The following PLOD1 variants were observed in gnomAD, a reference collection of about 807,000 sequenced individuals.
The protein encoded by PLOD1 is procollagen-lysine,2-oxoglutarate 5-dioxygenase 1, also known as lysine hydroxylase.
Under a neutral mutation model 94.7 loss-of-function variants are expected in PLOD1, and 70 were observed. The ratio of observed to expected loss-of-function variants is 0.74; its 90% CI spans 0.61 to 0.90. The LOEUF is 0.90. PLOD1 is among the 40% of genes least tolerant of loss of function. The pLI, the probability that PLOD1 is intolerant of heterozygous loss-of-function variation, is 0.00. For synonymous variants in PLOD1, 417 were observed against 400.2 expected (o/e 1.04, Z -0.50); for missense variants, 905 against 972.7 (o/e 0.93, Z 0.93).
In PLOD1 at chr1:11,957,839, C is replaced by T. The variant is rs1459204595; in HGVS notation, c.742-3C>T. ...TCTCTGTGACCCCACGTCTCCCCGA[C>T]AGCTGCAGTTGAACTACCTGGGCAA... On this transcript the variant is annotated splice_region_variant and splice_polypyrimidine_tract_variant and intron_variant, in intron 7 of 18. Coordinates refer to ENST00000196061, the MANE Select transcript of PLOD1 (RefSeq NM_000302.4). This position sits in a 1 kb window ranked among gnomAD's most constrained non-coding sequence, Gnocchi z 4.1. 1 of 1,610,712 alleles carries T rather than the reference C, an allele frequency of 6.2e-7. No homozygotes were observed. Among genetic ancestry groups the T allele is most frequent in the Admixed American group, 1.7e-5 (1 of 60,016 alleles).
At chr1:11,969,020 ATTTTTTTTTT>A (rs936449431) in intron 16 of PLOD1, among the ~76,000 whole-genome samples, 3 of 118,848 alleles carry the variant, frequency 2.5e-5, no homozygotes, top group African/African-American at 1.0e-4. Context: ...ACCATGCCTA[ATTTTTTTTTT>A]TTTTTTTTTT....
chr1:11,960,612 A>T, intron 9 of PLOD1, 34 bp from the exon 10 acceptor site: 1 of 1,425,424 alleles, frequency 7.0e-7, no homozygotes, highest in Non-Finnish European at 9.9e-7. Context: ...CCTCCTCCTC[A>T]CCCCCGCATC....
Position 11,963,476 on chromosome 1 carries a change from C to A in PLOD1, c.1098-56C>A. 2 of 1,151,566 alleles carry A rather than the reference C, an allele frequency of 1.7e-6. No individual in the cohort carries two copies. Among genetic ancestry groups the A allele is most frequent in the Non-Finnish European group, 2.6e-6 (2 of 779,848 alleles). The allele number at this position is 1,151,566 out of a possible 1,614,324, so 71.3% of individuals were successfully genotyped here. On this transcript the variant is annotated intron_variant, in intron 10 of 18. Coordinates refer to ENST00000196061, the MANE Select transcript of PLOD1 (RefSeq NM_000302.4). The surrounding 1 kb of genome is among the most constrained non-coding windows in gnomAD (Gnocchi z 4.3). ...GCCAGACTGTGGTCACAGATGTGAGCAGCCACCAGTAGCTCCAGGATCAGG... is the reference window on the plus strand; with the variant it reads ...GCCAGACTGTGGTCACAGATGTGAGAAGCCACCAGTAGCTCCAGGATCAGG...
intron 15 of PLOD1, 23 bp downstream of exon 15, chr1:11,966,339 T>TG: frequency 6.4e-7 from 1 of 1,568,938 alleles, no homozygotes; most frequent in Non-Finnish European, 8.7e-7. Flanking sequence ...GACACCCTCT[T>TG]GGACCAGCCT....
chr1:11,940,960 T>C (rs1645611013), intron 1 of PLOD1, among the ~76,000 whole-genome samples: 1 of 152,188 alleles, frequency 6.6e-6, no homozygotes, highest in Admixed American at 6.5e-5. Context: ...CATCTTAGGA[T>C]GTTGGGCTCT....
intron 18 of PLOD1, among the ~76,000 whole-genome samples, chr1:11,973,301 A>C (rs948583363): frequency 2.6e-5 from 4 of 152,120 alleles, no homozygotes; most frequent in Non-Finnish European, 5.9e-5. Flanking sequence ...GGAGTTTGAG[A>C]CCAGCCTGGC....
intron 16 of PLOD1, 65 bp from the exon 17 acceptor site, chr1:11,970,605 G>A: frequency 6.8e-7 from 1 of 1,476,916 alleles, no homozygotes; most frequent in South Asian, 1.1e-5. Flanking sequence ...GTAGGAGAGG[G>A]GAGTAGACAG....
chr1:11,961,643 C>T (rs1645778454), intron 10 of PLOD1, among the ~76,000 whole-genome samples: 1 of 152,230 alleles, frequency 6.6e-6, no homozygotes, highest in East Asian at 1.9e-4. Context: ...TGGTGTCACT[C>T]TTGTCATCCA....
Position 11,967,073 on chromosome 1 carries a change from GTCTC to G in PLOD1, c.1739_1742del (p.Ser580TrpfsTer23). 6.2e-7 allele frequency: 1 copy of G among 1,611,354 alleles called. No homozygotes were observed. The highest frequency in any genetic ancestry group is 8.5e-7 in the Non-Finnish European group (1 of 1,177,444). On this transcript the variant is annotated frameshift_variant, in exon 16 of 19. Transcript: ENST00000196061. LOFTEE classifies it high-confidence loss of function. ...AGGAGATGGAGCACTTTGGCCAGTGGTCTCTGGGCAACAACAAGGTGGGACCCTG... is the reference window on the plus strand; with the variant it reads ...AGGAGATGGAGCACTTTGGCCAGTGGTGGGCAACAACAAGGTGGGACCCTG...
At chr1:11,962,371 C>T (rs965353633) in intron 10 of PLOD1, among the ~76,000 whole-genome samples, 15 of 149,242 alleles carry the variant, frequency 1.0e-4, no homozygotes, top group Middle Eastern at 3.2e-3. Flanking sequence ...CTGCCTCCCA[C>T]GTTCACGCCA....
At chr1:11,973,200 T>C (rs944720512) in intron 18 of PLOD1, among the ~76,000 whole-genome samples, 20 of 152,116 alleles carry the variant, frequency 1.3e-4, no homozygotes, top group African/African-American at 4.8e-4. Flanking sequence ...CTTAAGCTAC[T>C]ATTTTAAGAG....
At chr1:11,935,774 G>GCA (rs1645574124) in intron 1 of PLOD1, among the ~76,000 whole-genome samples, 1 of 152,126 alleles carries the variant, frequency 6.6e-6, no homozygotes, top group African/African-American at 2.4e-5. Context: ...ACAGGCACGT[G>GCA]CCACCATGCC....
chr1:11,952,755 C>T lies in PLOD1; in HGVS notation c.579+20C>T. On this transcript the variant is annotated intron_variant, in intron 5 of 18. Coordinates refer to ENST00000196061, the MANE Select transcript of PLOD1 (RefSeq NM_000302.4). ...AAGAGGGTAAGAGGCAGTGGGCGGG[C>T]CAAGGAGAGGGGGCTGGGGATCCAC... 6.4e-7 allele frequency: 1 copy of T among 1,550,934 alleles called. No homozygotes were observed. The highest frequency in any genetic ancestry group is 1.4e-5 in the African/African-American group (1 of 73,780).
At chr1:11,942,446 G>C (rs140074507) in intron 1 of PLOD1, among the ~76,000 whole-genome samples, 1 of 152,334 alleles carries the variant, frequency 6.6e-6, no homozygotes, top group East Asian at 1.9e-4. Flanking sequence ...CAACTACTGG[G>C]CAAACCAAGA....
chr1:11,940,091 T>C (rs1221047663), intron 1 of PLOD1, among the ~76,000 whole-genome samples: 1 of 151,632 alleles, frequency 6.6e-6, no homozygotes, highest in Non-Finnish European at 1.5e-5. Context: ...AGCATGACTA[T>C]AGCTCACTGC....
chr1:11,958,716 C>CGA lies in PLOD1; in HGVS notation c.975+72_975+73dup, dbSNP rs1645757457. On this transcript the variant is annotated intron_variant, in intron 9 of 18. Transcript: ENST00000196061. This position sits in a 1 kb window ranked among gnomAD's most constrained non-coding sequence, Gnocchi z 4.3. ...CAGGGCCCAGCTTCACAAGGTAGCCCGAGACCTCTGAGGGTCTCACCGAAT... is the reference window on the plus strand; with the variant it reads ...CAGGGCCCAGCTTCACAAGGTAGCCCGAGAGACCTCTGAGGGTCTCACCGAAT... 4.9e-5 allele frequency: 77 copies of CGA among 1,586,484 alleles called. No individual in the cohort carries two copies. Among genetic ancestry groups the CGA allele is most frequent in the Non-Finnish European group, 6.2e-5 (72 of 1,159,098 alleles).
chr1:11,941,812 A>G (rs185688454), intron 1 of PLOD1, among the ~76,000 whole-genome samples: 1 of 152,254 alleles, frequency 6.6e-6, no homozygotes, highest in African/African-American at 2.4e-5. Flanking sequence ...GCACCACCGT[A>G]TAACTTGCAG....
In PLOD1 at chr1:11,948,121, G is replaced by A. The variant is rs939548245; in HGVS notation, c.168+54G>A. 8.3e-6 allele frequency: 10 copies of A among 1,209,962 alleles called. No homozygotes were observed. In the Middle Eastern group the frequency reaches 9.4e-4, roughly 114 times the overall value. 75.0% of individuals were successfully genotyped at this position (1,209,962 alleles called of 1,614,324 possible). A position where few individuals can be genotyped will look rare whatever the true frequency, so the allele number is the denominator to read the frequency against. The stretch of plus-strand genomic sequence containing the variant: ...CAGTGAGGGGTGGCAGGAGGATCTA[G>A]GAGCTAGTGTCCTTTCCAAACTACC... On this transcript the variant is annotated intron_variant, in intron 2 of 18. Coordinates refer to ENST00000196061, the MANE Select transcript of PLOD1 (RefSeq NM_000302.4).
rs754787633 is a variant in PLOD1, at chr1:11,972,948, C to T, written c.1979C>T (p.Ser660Phe). ...TCACTGATGCCACACCATGATGCCT[C>T]CACCTTCACCATCAACATCGCCCTG... ...QPSLMPHHDA[S>F]TFTINIALNR... Residue 660 changes from serine (S) to phenylalanine (F), a missense_variant, in exon 18 of 19, where the codon TCC becomes TTC. Ser to Phe is a radical substitution (Grantham distance 155, BLOSUM62 -2). Coordinates refer to ENST00000196061, the MANE Select transcript of PLOD1 (RefSeq NM_000302.4). The surrounding 1 kb of genome is among the most constrained non-coding windows in gnomAD (Gnocchi z 4.6). 6.2e-7 allele frequency: 1 copy of T among 1,614,130 alleles called. No homozygotes were observed. The highest frequency in any genetic ancestry group is 1.1e-5 in the South Asian group (1 of 91,088).
Sources: gnomAD v4.1 joint callset for allele counts (sites outside exome capture counted in the v4.1 genomes callset) on GRCh38, gnomAD v4.1.1 for gene constraint, Gnocchi (gnomAD v3.1) non-coding constraint, MANE v1.5 for transcripts, NCBI Gene and HGNC (gene_info 2026-07-23, HGNC 2026-07-21) for gene names.